The following USP43 variants were observed in gnomAD, a reference collection of about 807,000 sequenced individuals.
The protein encoded by USP43 is ubiquitin carboxyl-terminal hydrolase 43.
USP43 carries 33 observed loss-of-function variants against 90.7 expected under a neutral mutation model. That is an observed-to-expected ratio of 0.36 (90% CI 0.28 to 0.49). The LOEUF is 0.49. Among genes scored for constraint, USP43 ranks in the 20% least tolerant of loss-of-function variants. USP43 has a pLI of 0.98. For missense variants in USP43, 1,274 were observed against 1,476.4 expected (o/e 0.86, Z 2.25); for synonymous variants, 598 against 615.8 (o/e 0.97, Z 0.43).
chr17:9,699,859 A>G (rs1005882599), intron 9 of USP43, among the ~76,000 whole-genome samples: 1 of 152,166 alleles, frequency 6.6e-6, no homozygotes, highest in Non-Finnish European at 1.5e-5. Flanking sequence ...GAAGTGCCCT[A>G]TAGACATTGA....
At chr17:9,679,966 T>C (rs2151975221) in intron 5 of USP43, among the ~76,000 whole-genome samples, 1 of 152,280 alleles carries the variant, frequency 6.6e-6, no homozygotes, top group Non-Finnish European at 1.5e-5. Flanking sequence ...GAGGGCTTTA[T>C]TTTGTTGTCA....
chr17:9,703,883 G>C (rs1328734005), intron 12 of USP43, among the ~76,000 whole-genome samples: 2 of 152,170 alleles, frequency 1.3e-5, no homozygotes, highest in Non-Finnish European at 2.9e-5. Context: ...GTAGATGAGT[G>C]TCAACTCCCT....
chr17:9,690,034 C>A (rs990624361), intron 8 of USP43, among the ~76,000 whole-genome samples: 2 of 152,106 alleles, frequency 1.3e-5, no homozygotes, highest in East Asian at 3.9e-4. Flanking sequence ...TCTGGCTAGA[C>A]GTATGAGCTC....
rs564880223 is a variant in USP43, at chr17:9,670,243, T to C, written c.740+3492T>C. 1.9e-4 allele frequency among the ~76,000 whole-genome samples: 29 copies of C among 152,068 alleles called. No homozygotes were observed. The South Asian group carries it at 2.5e-3, about 13-fold the overall frequency. On this transcript the variant is annotated intron_variant, in intron 3 of 14. Transcript: ENST00000285199. ...TAGTAGAGATGGGGTTTCATCATGC[T>C]GGCCAGGCTGGTCTTGAACTCCTGA... is the stretch of plus-strand genomic sequence containing the variant.
At chr17:9,676,499 A>C in intron 4 of USP43, among the ~76,000 whole-genome samples, 1 of 152,106 alleles carries the variant, frequency 6.6e-6, no homozygotes, top group Non-Finnish European at 1.5e-5. Context: ...CCTCCCAAGT[A>C]GCTGGGATTA....
Position 9,711,985 on chromosome 17 carries a change from C to A in USP43, c.2188C>A (p.Leu730Met). ...CTCCACAGGCTCTACCAGCTCCTCC[C>A]TGTCTGATCACTGGCTCTTACGGCT... Reference protein sequence around the residue: ...SSMRGSTSSSLSDHWLLRLGS... With the variant: ...SSMRGSTSSSMSDHWLLRLGS... Residue 730 changes from leucine (L) to methionine (M), a missense_variant, in exon 14 of 15, where the codon CTG becomes ATG. Around this residue, in one of 6 missense-constraint regions of USP43, gnomAD observed 285 missense variants for 349.6 expected, o/e 0.82. Transcript: ENST00000285199. The A allele has an allele frequency of 6.2e-7, 1 of 1,609,896 alleles. No homozygotes were observed. The highest frequency in any genetic ancestry group is 8.5e-7 in the Non-Finnish European group (1 of 1,177,862).
intron 14 of USP43, among the ~76,000 whole-genome samples, 175 bp downstream of exon 14, chr17:9,712,307 T>G (rs1051570073): frequency 3.3e-5 from 5 of 152,120 alleles, no homozygotes; most frequent in Non-Finnish European, 7.4e-5. Context: ...TGCCCGCTTC[T>G]CCCCATCCTC....
chr17:9,698,346 CA>C (rs1915389795), intron 9 of USP43, among the ~76,000 whole-genome samples: 1 of 152,048 alleles, frequency 6.6e-6, no homozygotes, highest in East Asian at 1.9e-4. Context: ...TCCCATTTTT[CA>C]ATGTTTGTTT....
At chr17:9,682,994 TG>T (rs1486140297) in intron 7 of USP43, 36 bp downstream of exon 7, 7 of 1,605,192 alleles carry the variant, frequency 4.4e-6, no homozygotes, top group Non-Finnish European at 6.0e-6. Flanking sequence ...ATGTGGTGTC[TG>T]GGATTTGTAG....
chr17:9,656,130 C>T (rs994448507), intron 1 of USP43, among the ~76,000 whole-genome samples: 8 of 152,170 alleles, frequency 5.3e-5, no homozygotes, highest in African/African-American at 1.9e-4. Context: ...ACAGAGACCA[C>T]TCTGTGGGTT....
rs113416848 is a variant in USP43 at position 9,689,412 on chromosome 17, A to AT, written c.1353+2517dup. 5.0e-3 allele frequency among the ~76,000 whole-genome samples: 735 copies of AT among 146,716 alleles called. 7 individuals are homozygous for AT. The highest frequency in any genetic ancestry group is 0.013 in the African/African-American group (525 of 40,286). On this transcript the variant is annotated intron_variant, in intron 8 of 14. Transcript: ENST00000285199. ...AAAAAAATAAAAGCTATCAATGCCA[A>AT]TTTTTTTTTTTTTTAAAGAGATAGA...
At chr17:9,660,353 G>A (rs1448444170) in intron 2 of USP43, among the ~76,000 whole-genome samples, 3 of 152,172 alleles carry the variant, frequency 2.0e-5, no homozygotes, top group African/African-American at 7.2e-5. Context: ...GTTTCGCTAT[G>A]TTGGCCAGGC....
intron 14 of USP43, among the ~76,000 whole-genome samples, chr17:9,722,535 G>A (rs1917020072): frequency 2.0e-5 from 3 of 152,058 alleles, no homozygotes; most frequent in Non-Finnish European, 2.9e-5. Context: ...TTGCTGATGC[G>A]AGCGAGTCGC....
chr17:9,656,663 C>A, intron 2 of USP43, 129 bp downstream of exon 2: 1 of 1,186,946 alleles, frequency 8.4e-7, no homozygotes, highest in Non-Finnish European at 1.1e-6. Flanking sequence ...CTACTATATC[C>A]ACAGTCTGTT....
chr17:9,660,243 C>T (rs917488279), intron 2 of USP43, among the ~76,000 whole-genome samples: 6 of 152,144 alleles, frequency 3.9e-5, no homozygotes, highest in East Asian at 1.9e-4. Context: ...CTCCACCTCC[C>T]GGGTTCAAGA....
At chr17:9,666,858 A>C (rs1305903322) in intron 3 of USP43, 107 bp downstream of exon 3, 4 of 817,312 alleles carry the variant, frequency 4.9e-6, no homozygotes, top group Admixed American at 4.1e-5. Flanking sequence ...CAAAACAACA[A>C]AACCACAAAC....
intron 2 of USP43, among the ~76,000 whole-genome samples, chr17:9,657,639 T>A (rs1035457739): frequency 3.9e-5 from 6 of 152,112 alleles, no homozygotes; most frequent in Admixed American, 1.3e-4. Context: ...GAGAAGTACG[T>A]ACCTCCTTCA....
At position 9,673,423 on chromosome 17, in the gene USP43, C is replaced by T. The variant is rs1224931020; in HGVS notation, c.741-1468C>T. Among the ~76,000 whole-genome samples the T allele has an allele frequency of 5.3e-5, 8 of 152,178 alleles. No individual in the cohort carries two copies. In the East Asian group the frequency reaches 1.2e-3, roughly 22 times the overall value. On this transcript the variant is annotated intron_variant, in intron 3 of 14. Transcript: ENST00000285199. ...ACTCAGGAGGCTGAGGCAGGAGAAT[C>T]GCTTGAATCTGGGAGGCAGAGGTTG... is the stretch of plus-strand genomic sequence containing the variant.
At chr17:9,667,610 C>CT (rs1413333657) in intron 3 of USP43, among the ~76,000 whole-genome samples, 18 of 152,226 alleles carry the variant, frequency 1.2e-4, no homozygotes, top group African/African-American at 4.1e-4. Flanking sequence ...GGAAGTGTGC[C>CT]TTTTGTTGGC....
Sources: gnomAD v4.1 joint callset for allele counts (sites outside exome capture counted in the v4.1 genomes callset) on GRCh38, gnomAD v4.1.1 for gene constraint, gnomAD v4.1.1 regional missense constraint, MANE v1.5 for transcripts, NCBI Gene and HGNC (gene_info 2026-07-23, HGNC 2026-07-21) for gene names.